Variants in SEC63 observed in about 807,000 individuals in gnomAD.
The protein encoded by SEC63 is SEC63 protein translocation regulator, also known as translocation protein SEC63 homolog.
Under a neutral mutation model 116.2 loss-of-function variants are expected in SEC63, and 56 were observed. The observed-to-expected ratio is 0.48, with a 90% CI of 0.39 to 0.60. The LOEUF (loss-of-function observed/expected upper bound fraction) is 0.60. SEC63 is among the 20% of genes least tolerant of loss of function. SEC63 has a pLI of 0.00. For synonymous variants in SEC63, 273 were observed against 294.6 expected (o/e 0.93, Z 0.75); for missense variants, 668 against 900.0 (o/e 0.74, Z 3.30).
chr6:107,933,965 C>T (rs1229347877), intron 1 of SEC63, among the ~76,000 whole-genome samples: 3 of 152,220 alleles, frequency 2.0e-5, no homozygotes, highest in Admixed American at 6.5e-5. Flanking sequence ...GCGAGTGATC[C>T]GCCAGCCTCG....
At chr6:107,934,606 C>T (rs1770151902) in intron 1 of SEC63, among the ~76,000 whole-genome samples, 1 of 149,524 alleles carries the variant, frequency 6.7e-6, no homozygotes, top group African/African-American at 2.5e-5. Flanking sequence ...GGCAGCCACC[C>T]CGTCCGGGAG....
chr6:107,927,721 T>A (rs1787707037), intron 2 of SEC63, among the ~76,000 whole-genome samples: 1 of 152,110 alleles, frequency 6.6e-6, no homozygotes, highest in South Asian at 2.1e-4. Flanking sequence ...CTCAGGGGAC[T>A]GATTCCAGGA....
At position 107,886,850 on chromosome 6, in the gene SEC63, T is replaced by G. The variant is rs538701223; in HGVS notation, c.1675-3704A>C. 1.1e-3 allele frequency among the ~76,000 whole-genome samples: 168 copies of G among 150,872 alleles called. 1 individual carries two copies. Among genetic ancestry groups the G allele is most frequent in the Non-Finnish European group, 1.0e-3 (68 of 67,638 alleles). ...ATAGTTTTTTGTTTTTTTGGGTTTT[T>G]TTTTTTTTTTTTGCTGTGCAGAAGC... On this transcript the variant is annotated intron_variant, in intron 16 of 20. Coordinates refer to ENST00000369002, the MANE Select transcript of SEC63 (RefSeq NM_007214.5).
chr6:107,915,982 C>A (rs951189125), intron 4 of SEC63, among the ~76,000 whole-genome samples: 1 of 152,112 alleles, frequency 6.6e-6, no homozygotes, highest in East Asian at 1.9e-4. Context: ...AACCACATAA[C>A]TGAGTTAAAA....
At chr6:107,889,911 T>C (rs997359443) in intron 16 of SEC63, among the ~76,000 whole-genome samples, 8 of 152,232 alleles carry the variant, frequency 5.3e-5, no homozygotes, top group African/African-American at 1.7e-4. Flanking sequence ...TTCCTAATCC[T>C]GAGTTCTAGT....
At chr6:107,872,966 A>G in intron 19 of SEC63, 54 bp from the exon 20 acceptor site, 1 of 1,147,154 alleles carries the variant, frequency 8.7e-7, no homozygotes, top group Non-Finnish European at 1.3e-6. Flanking sequence ...GAAACAGCTC[A>G]CTCCCTAAAA....
chr6:107,924,301 G>A (rs966143386), intron 3 of SEC63, among the ~76,000 whole-genome samples: 15 of 148,220 alleles, frequency 1.0e-4, no homozygotes, highest in African/African-American at 3.5e-4. Flanking sequence ...TTAACCGGCC[G>A]GGCGCGGTGG....
chr6:107,895,575 A>G (rs534497925), intron 14 of SEC63, among the ~76,000 whole-genome samples: 2 of 152,184 alleles, frequency 1.3e-5, no homozygotes, highest in African/African-American at 4.8e-5. Context: ...TGTTTTTCCT[A>G]CCAGCAATTT....
intron 1 of SEC63, chr6:107,956,043 G>A: frequency 5.0e-6 from 2 of 403,888 alleles, no homozygotes; most frequent in Non-Finnish European, 5.0e-6. Context: ...TACTCGGGGG[G>A]CTGAAGCGGG....
chr6:107,951,564 C>CAGCACT (rs1770579768), intron 1 of SEC63, among the ~76,000 whole-genome samples: 1 of 152,216 alleles, frequency 6.6e-6, no homozygotes, highest in African/African-American at 2.4e-5. Context: ...CTCCTCCAAG[C>CAGCACT]AGCACTTCTC....
At chr6:107,911,309 T>C in intron 7 of SEC63, 37 bp downstream of exon 7, 1 of 1,426,706 alleles carries the variant, frequency 7.0e-7, no homozygotes, top group South Asian at 1.2e-5. Flanking sequence ...CAATCTCCTT[T>C]CCAAAAAAAA....
At chr6:107,913,259 A>G in intron 5 of SEC63, 107 bp downstream of exon 5, 1 of 813,706 alleles carries the variant, frequency 1.2e-6, no homozygotes, top group African/African-American at 1.7e-5. Flanking sequence ...GTTAAACTCC[A>G]TGTGAGTATA....
chr6:107,872,861 C>A lies in SEC63; in HGVS notation c.2086G>T (p.Val696Leu), dbSNP rs767955182. ...ATATAGGAGTCTGATCTCAGAAACACAGTATACTGATAATTTCCAGGCTTG... is the reference window on the plus strand; with the variant it reads ...ATATAGGAGTCTGATCTCAGAAACAAAGTATACTGATAATTTCCAGGCTTG... ...PGKPGNYQYT[V>L]FLRSDSYMGL... The change falls in exon 20 of 21, where the codon GTG becomes TTG. Residue 696 changes from valine (V) to leucine (L), a missense_variant. Val to Leu is a conservative substitution (Grantham distance 32). Coordinates refer to ENST00000369002, the MANE Select transcript of SEC63 (RefSeq NM_007214.5). The A allele has an allele frequency of 1.2e-5, 18 of 1,553,914 alleles. No homozygotes were observed. Among genetic ancestry groups the A allele is most frequent in the Non-Finnish European group, 1.6e-5 (18 of 1,147,160 alleles).
chr6:107,908,859 T>C, intron 8 of SEC63, 68 bp downstream of exon 8: 8 of 819,608 alleles, frequency 9.8e-6, no homozygotes, highest in Non-Finnish European at 8.3e-6. Flanking sequence ...AGTTAAGGAA[T>C]ATATATCAAC....
At chr6:107,900,384 A>G (rs1786972375) in intron 13 of SEC63, among the ~76,000 whole-genome samples, 1 of 152,092 alleles carries the variant, frequency 6.6e-6, no homozygotes, top group Non-Finnish European at 1.5e-5. Flanking sequence ...GCTCACACCT[A>G]TAATCACAGC....
intron 14 of SEC63, among the ~76,000 whole-genome samples, chr6:107,897,293 T>G (rs1786874977): frequency 6.6e-6 from 1 of 152,144 alleles, no homozygotes; most frequent in African/African-American, 2.4e-5. Context: ...GATTTTGAAA[T>G]GAAAAATAAA....
At chr6:107,901,586 C>T (rs1202220409) in intron 12 of SEC63, 69 bp from the exon 13 acceptor site, 4 of 1,155,360 alleles carry the variant, frequency 3.5e-6, no homozygotes, top group Admixed American at 4.6e-5. Flanking sequence ...AAGAAAATTA[C>T]TCACATGTTA....
chr6:107,892,342 A>C (rs1435796116), intron 16 of SEC63, among the ~76,000 whole-genome samples: 1 of 152,168 alleles, frequency 6.6e-6, no homozygotes, highest in African/African-American at 2.4e-5. Flanking sequence ...GGAAAGAATG[A>C]CCTTTTCAAT....
At chr6:107,912,586 A>T in intron 6 of SEC63, 130 bp downstream of exon 6, 1 of 643,116 alleles carries the variant, frequency 1.6e-6, no homozygotes, top group Non-Finnish European at 2.9e-6. Context: ...CTCTGTCTCA[A>T]ATGAATGAAT....
Sources: gnomAD v4.1 joint callset for allele counts (sites outside exome capture counted in the v4.1 genomes callset) on GRCh38, gnomAD v4.1.1 for gene constraint, MANE v1.5 for transcripts, NCBI Gene and HGNC (gene_info 2026-07-23, HGNC 2026-07-21) for gene names.